FRMD4A: variants seen among roughly 807,000 people sequenced by gnomAD.
FRMD4A encodes FERM domain containing 4A, also known as FERM domain-containing protein 4A.
In FRMD4A, 29 loss-of-function variants were observed where a neutral mutation model predicts 129.1. The observed-to-expected ratio is 0.22, with a 90% CI of 0.17 to 0.31. The LOEUF (loss-of-function observed/expected upper bound fraction) is 0.31. Among genes scored for constraint, FRMD4A ranks in the 10% least tolerant of loss-of-function variants. The pLI, the probability that FRMD4A is intolerant of heterozygous loss-of-function variation, is 1.00. For synonymous variants in FRMD4A, 634 were observed against 571.6 expected (o/e 1.11, Z -1.56); for missense variants, 1,272 against 1,375.8 (o/e 0.92, Z 1.19).
intron 2 of FRMD4A, among the ~76,000 whole-genome samples, chr10:14,328,091 A>T (rs1467484796): frequency 6.6e-6 from 1 of 152,208 alleles, no homozygotes; most frequent in Non-Finnish European, 1.5e-5. Context: ...CCCTGAACTA[A>T]ACATGAACCA....
At chr10:13,767,421 T>C (rs2092320421) in intron 6 of FRMD4A, among the ~76,000 whole-genome samples, 1 of 152,142 alleles carries the variant, frequency 6.6e-6, no homozygotes, top group Admixed American at 6.5e-5. Flanking sequence ...TTATTTTTAG[T>C]GGAAGCAGGG....
At chr10:13,899,132 A>G (rs1183686295) in intron 2 of FRMD4A, among the ~76,000 whole-genome samples, 1 of 152,142 alleles carries the variant, frequency 6.6e-6, no homozygotes, top group Non-Finnish European at 1.5e-5. Context: ...ACTGCACTCC[A>G]GCCTGGGTGA....
chr10:13,667,532 T>A (rs1449314274), intron 17 of FRMD4A: 1 of 152,222 alleles, frequency 6.6e-6, no homozygotes, highest in Non-Finnish European at 1.5e-5. Flanking sequence ...CTAGACAGCA[T>A]GTTTGCTGCT....
intron 2 of FRMD4A, among the ~76,000 whole-genome samples, chr10:13,908,672 C>T (rs995275559): frequency 4.6e-5 from 7 of 152,218 alleles, no homozygotes; most frequent in Non-Finnish European, 8.8e-5. Context: ...GTTCCTCTGC[C>T]TGCCAAGCTC....
At chr10:13,707,478 CCAGCAGGGAAGG>C in intron 12 of FRMD4A, 2 of 1,016,816 alleles carry the variant, frequency 2.0e-6, no homozygotes, top group Non-Finnish European at 2.4e-6. Flanking sequence ...GGAGAGGGAC[CCAGCAGGGAAGG>C]CGGCGGGTGA....
chr10:14,083,415 C>T (rs754179706), intron 2 of FRMD4A: 1 of 152,318 alleles, frequency 6.6e-6, no homozygotes, highest in Non-Finnish European at 1.5e-5. Flanking sequence ...CGCAGAGGAC[C>T]TGCTCTTGGC....
chr10:14,296,243 C>G (rs1846004896), intron 2 of FRMD4A, among the ~76,000 whole-genome samples: 2 of 152,178 alleles, frequency 1.3e-5, no homozygotes, highest in African/African-American at 4.8e-5. Context: ...TCTAGCCTGG[C>G]TGCTCACAGC....
intron 3 of FRMD4A, among the ~76,000 whole-genome samples, chr10:13,828,738 G>T (rs2093743194): frequency 6.6e-6 from 1 of 152,020 alleles, no homozygotes; most frequent in African/African-American, 2.4e-5. Context: ...CTCCATGTTG[G>T]TCAGGCTGCT....
Position 13,666,105 on chromosome 10 carries a change from A to G in FRMD4A, c.1595T>C (p.Ile532Thr). The G allele has an allele frequency of 3.8e-6, 6 of 1,599,670 alleles. No individual in the cohort carries two copies. The highest frequency in any genetic ancestry group is 5.1e-6 in the Non-Finnish European group (6 of 1,166,882). Residue 532 changes from isoleucine (I) to threonine (T), a missense_variant, in exon 18 of 25, where the codon ATC becomes ACC. Ile to Thr is a moderately conservative substitution (Grantham distance 89). Transcript: ENST00000357447. ...GCCCGGTTGGCACTGACCGTCTATG[A>G]TCAGCGAAGCCCTCTGGGTGGGTTT... ...GKKPTQRASL[I>T]IDDGNIASED...
chr10:14,120,274 A>T (rs539299886), intron 2 of FRMD4A, among the ~76,000 whole-genome samples: 1 of 151,602 alleles, frequency 6.6e-6, no homozygotes, highest in East Asian at 1.9e-4. Flanking sequence ...GAGCCTTCAT[A>T]TGTCCCTCTG....
chr10:14,095,952 C>T (rs1489528188), intron 2 of FRMD4A, among the ~76,000 whole-genome samples: 1 of 152,134 alleles, frequency 6.6e-6, no homozygotes, highest in Non-Finnish European at 1.5e-5. Flanking sequence ...AACTGGAATG[C>T]TACAGTAATG....
intron 2 of FRMD4A, among the ~76,000 whole-genome samples, chr10:14,040,690 C>T (rs1222662196): frequency 6.6e-6 from 1 of 152,170 alleles, no homozygotes. Flanking sequence ...TTCTTATTTA[C>T]TTCTTATTAA....
chr10:13,740,095 T>C, intron 11 of FRMD4A, 99 bp downstream of exon 11: 1 of 794,638 alleles, frequency 1.3e-6, no homozygotes, highest in Non-Finnish European at 2.2e-6. Flanking sequence ...CAAGACTCTA[T>C]CTCAAAAGAA....
intron 4 of FRMD4A, among the ~76,000 whole-genome samples, chr10:13,807,232 T>C (rs116339759): frequency 1.5e-3 from 224 of 152,334 alleles, no homozygotes; most frequent in African/African-American, 5.3e-3. Context: ...GATGACCACC[T>C]GTATCTCTTT....
intron 2 of FRMD4A, among the ~76,000 whole-genome samples, chr10:14,182,528 C>G (rs1338172209): frequency 1.3e-5 from 2 of 152,172 alleles, no homozygotes; most frequent in African/African-American, 2.4e-5. Context: ...GCCTGGACAA[C>G]AGAGCAAGAG....
At position 13,657,418 on chromosome 10, in the gene FRMD4A, T is replaced by C; in HGVS notation, c.2171A>G (p.Asp724Gly). 6.2e-7 allele frequency: 1 copy of C among 1,612,862 alleles called. No homozygotes were observed. Among genetic ancestry groups the C allele is most frequent in the Non-Finnish European group, 8.5e-7 (1 of 1,179,902 alleles). The change falls in exon 22 of 25, where the codon GAC (aspartate) becomes GGC (glycine). Residue 724 changes from aspartate to glycine, a missense_variant. Transcript: ENST00000357447. ...GGTGTAGAAGTCGGGGCTCCCGGTGTCGTTTTCCGAGCCCAGGAGCTTGCC... is the reference window on the plus strand; with the variant it reads ...GGTGTAGAAGTCGGGGCTCCCGGTGCCGTTTTCCGAGCCCAGGAGCTTGCC... ...SQGKLLGSEN[D>G]TGSPDFYTPR...
At position 13,736,182 on chromosome 10, in the gene FRMD4A, C is replaced by A. The variant is rs978099671; in HGVS notation, c.759+1662G>T. On this transcript the variant is annotated intron_variant, in intron 12 of 24. Transcript: ENST00000357447. ...AACAAACAAACAAACAAACAAAAAA[C>A]AAAAAGAGAAGGGTTGTTCTAAAAA... 3.3e-5 allele frequency among the ~76,000 whole-genome samples: 5 copies of A among 151,562 alleles called. No individual in the cohort carries two copies. The East Asian group carries it at 7.8e-4, about 24-fold the overall frequency.
At chr10:13,913,872 A>G (rs2094970105) in intron 2 of FRMD4A, among the ~76,000 whole-genome samples, 1 of 152,240 alleles carries the variant, frequency 6.6e-6, no homozygotes, top group Non-Finnish European at 1.5e-5. Flanking sequence ...CTAAATAAGT[A>G]CATAGACTAT....
chr10:13,856,398 C>A (rs1012190182), intron 3 of FRMD4A, among the ~76,000 whole-genome samples: 14 of 152,076 alleles, frequency 9.2e-5, no homozygotes, highest in African/African-American at 2.7e-4. Context: ...TGACCCTGGG[C>A]TAGGTACTGG....
Sources: gnomAD v4.1 joint callset for allele counts (sites outside exome capture counted in the v4.1 genomes callset) on GRCh38, gnomAD v4.1.1 for gene constraint, MANE v1.5 for transcripts, NCBI Gene and HGNC (gene_info 2026-07-23, HGNC 2026-07-21) for gene names.